SLCO1A2: variants seen among roughly 807,000 people sequenced by gnomAD.
The protein encoded by SLCO1A2 is solute carrier organic anion transporter family member 1A2.
A neutral mutation model predicts 69.0 loss-of-function variants in SLCO1A2; 67 were observed. The observed-to-expected ratio is 0.97, with a 90% CI of 0.80 to 1.19. The LOEUF is 1.19. SLCO1A2 is among the 50% of genes most tolerant of loss of function. SLCO1A2 has a pLI of 0.00. For synonymous variants in SLCO1A2, 260 were observed against 265.9 expected (o/e 0.98, Z 0.22); for missense variants, 787 against 793.7 (o/e 0.99, Z 0.10).
At chr12:21,401,418 A>G (rs1267590411) in intron 1 of SLCO1A2, among the ~76,000 whole-genome samples, 2 of 151,864 alleles carry the variant, frequency 1.3e-5, no homozygotes, top group East Asian at 3.8e-4. Flanking sequence ...CTGTATGAAG[A>G]AGAATACAAA....
At chr12:21,334,796 A>C (rs1438357085) in intron 1 of SLCO1A2, 31 bp downstream of exon 1, 1 of 613,520 alleles carries the variant, frequency 1.6e-6, no homozygotes, top group African/African-American at 1.9e-5. Context: ...AATGAACAAC[A>C]TAATTGAAAT....
chr12:21,417,807 A>G (rs553667801), intron 1 of SLCO1A2: 24 of 152,286 alleles, frequency 1.6e-4, no homozygotes, highest in South Asian at 1.5e-3. Flanking sequence ...TTTAGATCCC[A>G]TTAGAAAAAT....
At chr12:21,372,507 C>A (rs903770753) in intron 2 of SLCO1A2, among the ~76,000 whole-genome samples, 2 of 152,128 alleles carry the variant, frequency 1.3e-5, no homozygotes, top group Non-Finnish European at 2.9e-5. Flanking sequence ...TCATGGGATT[C>A]AGCCATTGAG....
In SLCO1A2 at chr12:21,327,915, C is replaced by A. The variant is rs957514051; in HGVS notation, c.60+6673G>T. ...CCATGGGCAGAATTATATGGTTGGGCTGTGTCCCCACCAAAATCTCATCTT... is the reference window on the plus strand; with the variant it reads ...CCATGGGCAGAATTATATGGTTGGGATGTGTCCCCACCAAAATCTCATCTT... On this transcript the variant is annotated intron_variant, in intron 2 of 14. Coordinates refer to ENST00000683939, the MANE Select transcript of SLCO1A2 (RefSeq NM_001386879.1). Among the ~76,000 whole-genome samples the A allele has an allele frequency of 4.6e-5, 7 of 152,168 alleles. No homozygotes were observed. In the East Asian group the frequency reaches 9.7e-4, roughly 21 times the overall value.
At position 21,293,982 on chromosome 12, in the gene SLCO1A2, G is replaced by A; in HGVS notation, c.1400C>T (p.Ala467Val). The A allele has an allele frequency of 1.2e-6, 2 of 1,612,124 alleles. No individual in the cohort carries two copies. The highest frequency in any genetic ancestry group is 1.7e-6 in the Non-Finnish European group (2 of 1,179,144). The change falls in exon 11 of 15, where the codon GCT (alanine) becomes GTT (valine). Residue 467 changes from alanine to valine, a missense_variant. Coordinates refer to ENST00000683939, the MANE Select transcript of SLCO1A2 (RefSeq NM_001386879.1). ...NGLSYLSACL[A>V]GCETSIGTGI... ...CGTTCCAATGGATGTCTCACAACCA[G>A]CAAGACAAGCTGACAGATATGACAA...
chr12:21,403,061 A>T (rs1357943707), intron 1 of SLCO1A2, among the ~76,000 whole-genome samples: 1 of 152,176 alleles, frequency 6.6e-6, no homozygotes, highest in African/African-American at 2.4e-5. Flanking sequence ...GTTGTGGAAG[A>T]ACTGGATAAA....
chr12:21,274,619 C>A, intron 13 of SLCO1A2, 33 bp from the exon 14 acceptor site: 1 of 1,328,192 alleles, frequency 7.5e-7, no homozygotes, highest in South Asian at 1.2e-5. Flanking sequence ...AATCTATCAA[C>A]AAGAATTAAG....
intron 2 of SLCO1A2, among the ~76,000 whole-genome samples, chr12:21,326,590 A>G (rs1316594970): frequency 6.6e-6 from 1 of 152,154 alleles, no homozygotes; most frequent in East Asian, 1.9e-4. Context: ...TCAGATGGAG[A>G]TGAGGAACTT....
chr12:21,332,546 A>C (rs189750239), intron 2 of SLCO1A2, among the ~76,000 whole-genome samples: 1 of 152,232 alleles, frequency 6.6e-6, no homozygotes, highest in Non-Finnish European at 1.5e-5. Flanking sequence ...TCCTTCCCAT[A>C]ACAGCCTAAA....
intron 9 of SLCO1A2, among the ~76,000 whole-genome samples, chr12:21,296,681 C>T (rs995878834): frequency 3.3e-5 from 5 of 152,174 alleles, no homozygotes; most frequent in African/African-American, 1.2e-4. Flanking sequence ...GAGAAGATAG[C>T]CCTAGGTTCC....
At chr12:21,360,120 G>T (rs1938708810) in intron 2 of SLCO1A2, among the ~76,000 whole-genome samples, 1 of 152,080 alleles carries the variant, frequency 6.6e-6, no homozygotes, top group African/African-American at 2.4e-5. Flanking sequence ...CACAGCAGCA[G>T]TTACCTGAGG....
chr12:21,292,261 C>A lies in SLCO1A2; in HGVS notation c.1513G>T (p.Asp505Tyr). 1 of 1,613,180 alleles carries A rather than the reference C, an allele frequency of 6.2e-7. No homozygotes were observed. The highest frequency in any genetic ancestry group is 8.5e-7 in the Non-Finnish European group (1 of 1,179,322). The part of the protein sequence containing the change: ...AVLGLCDKGP[D>Y]CSLMLQYFLI... ...AAGTACTGGAGCATCAAGGAACAGT[C>A]AGGTCCTTTGTCGCACAGCCCAAGA... is the stretch of plus-strand genomic sequence containing the variant. Residue 505 changes from aspartate to tyrosine, a missense_variant, in exon 12 of 15, where the codon GAC becomes TAC. Transcript: ENST00000683939.
intron 2 of SLCO1A2, among the ~76,000 whole-genome samples, chr12:21,326,425 G>A (rs1006198008): frequency 2.0e-5 from 3 of 152,144 alleles, no homozygotes; most frequent in Admixed American, 6.5e-5. Flanking sequence ...GAAGAAAATA[G>A]GAAAATGTAG....
intron 2 of SLCO1A2, among the ~76,000 whole-genome samples, chr12:21,350,608 G>A (rs1006131204): frequency 9.9e-5 from 15 of 151,794 alleles, no homozygotes; most frequent in Middle Eastern, 3.2e-3. Context: ...AGGCCGAGGC[G>A]GGTGGATCAT....
At chr12:21,315,021 C>T (rs1300918658) in intron 3 of SLCO1A2, among the ~76,000 whole-genome samples, 10 of 152,136 alleles carry the variant, frequency 6.6e-5, no homozygotes, top group Non-Finnish European at 1.5e-4. Context: ...AAATGAGGTT[C>T]AAAAGAAGGT....
chr12:21,398,270 C>T (rs1279736259), upstream of SLCO1A2, among the ~76,000 whole-genome samples: 1 of 151,122 alleles, frequency 6.6e-6, no homozygotes, highest in African/African-American at 2.4e-5. Flanking sequence ...ACTAGAAAAT[C>T]TAGAAGAAAT....
intron 12 of SLCO1A2, among the ~76,000 whole-genome samples, chr12:21,282,852 A>G (rs544673664): frequency 3.2e-4 from 49 of 152,268 alleles, no homozygotes; most frequent in African/African-American, 9.6e-4. Context: ...CAATAAAATC[A>G]CTAAGAATTA....
chr12:21,351,956 T>C (rs1033503737), intron 2 of SLCO1A2, among the ~76,000 whole-genome samples: 1 of 152,106 alleles, frequency 6.6e-6, no homozygotes, highest in African/African-American at 2.4e-5. Context: ...AGATTGACTT[T>C]GAAATTGCCC....
chr12:21,312,174 A>ATC, intron 4 of SLCO1A2, among the ~76,000 whole-genome samples: 1 of 152,312 alleles, frequency 6.6e-6, no homozygotes. Flanking sequence ...ACTTAGCTAG[A>ATC]TCTTCTGGAT....
Sources: allele counts gnomAD v4.1 joint callset (sites outside exome capture counted in the v4.1 genomes callset), GRCh38; gene constraint gnomAD v4.1.1; transcripts MANE v1.5; gene names NCBI Gene and HGNC (gene_info 2026-07-23, HGNC 2026-07-21).